The following COL4A1 variants were observed in gnomAD, a reference collection of about 807,000 sequenced individuals.
COL4A1 encodes the protein collagen type IV alpha 1 chain.
A neutral mutation model predicts 216.6 loss-of-function variants in COL4A1; 40 were observed. The ratio of observed to expected loss-of-function variants is 0.18; its 90% confidence interval spans 0.14 to 0.24. The LOEUF (loss-of-function observed/expected upper bound fraction) is 0.24. Ranked by LOEUF, COL4A1 falls within the 10% of genes least tolerant of loss-of-function variation. COL4A1 has a pLI of 1.00. For synonymous variants in COL4A1, 839 were observed against 810.7 expected (o/e 1.03, Z -0.59); for missense variants, 1,628 against 2,196.8 (o/e 0.74, Z 5.18).
intron 2 of COL4A1, among the ~76,000 whole-genome samples, chr13:110,227,413 CACACACACACACAA>C (rs1178064156): frequency 2.8e-4 from 41 of 146,328 alleles, no homozygotes; most frequent in Admixed American, 9.0e-4. Context: ...CACACACACA[CACACACACACACAA>C]ACACACACAA....
rs193007550 is a variant in COL4A1, at chr13:110,214,708, T to C, written c.145-693A>G. ...TTCAGGGACTTGTACCACTAGCCCC[T>C]TGGGCTCTCCAGCCGCTGGCCTTGG... On this transcript the variant is annotated intron_variant, in intron 2 of 51. Coordinates refer to ENST00000375820, the MANE Select transcript of COL4A1 (RefSeq NM_001845.6). Among the ~76,000 whole-genome samples the C allele has an allele frequency of 9.3e-3, 1,414 of 152,296 alleles. 21 individuals carry two copies. Among genetic ancestry groups the C allele is most frequent in the African/African-American group, 0.032 (1,351 of 41,570 alleles).
At chr13:110,200,166 C>G (rs753815795) in intron 20 of COL4A1, among the ~76,000 whole-genome samples, 1 of 152,244 alleles carries the variant, frequency 6.6e-6, no homozygotes, top group East Asian at 1.9e-4. Flanking sequence ...GGCACGTGAG[C>G]GTTTCCATCA....
chr13:110,287,415 A>G (rs1376077717), intron 1 of COL4A1, among the ~76,000 whole-genome samples: 2 of 152,202 alleles, frequency 1.3e-5, no homozygotes, highest in Middle Eastern at 3.2e-3. Context: ...AGTCCTATTA[A>G]TATCTTATCT....
At position 110,150,263 on chromosome 13, in the gene COL4A1, G is replaced by T; in HGVS notation, c.*100C>A. 1 of 1,136,394 alleles carries T rather than the reference G, an allele frequency of 8.8e-7. No individual in the cohort carries two copies. Among genetic ancestry groups the T allele is most frequent in the Non-Finnish European group, 1.3e-6 (1 of 774,848 alleles). 70.4% of individuals were successfully genotyped at this position (1,136,394 alleles called of 1,614,324 possible). ...TAAGGCACTTTACGGTTTTCATATT[G>T]GACAGTGAGGTACACAGGATATATT... On this transcript the variant is annotated 3_prime_UTR_variant, in exon 52 of 52. Coordinates refer to ENST00000375820, the MANE Select transcript of COL4A1 (RefSeq NM_001845.6).
intron 1 of COL4A1, among the ~76,000 whole-genome samples, chr13:110,306,105 C>T (rs1281994255): frequency 6.6e-6 from 1 of 152,084 alleles, no homozygotes; most frequent in Non-Finnish European, 1.5e-5. Context: ...AACAGTCAGT[C>T]CAGGCTTGTC....
intron 36 of COL4A1, 69 bp downstream of exon 36, chr13:110,176,355 T>C (rs777436404): frequency 1.5e-4 from 157 of 1,052,990 alleles, no homozygotes; most frequent in Admixed American, 8.1e-4. Flanking sequence ...GAGGATCTCA[T>C]TCTGCAGACA....
At chr13:110,300,003 C>T (rs981396317) in intron 1 of COL4A1, among the ~76,000 whole-genome samples, 2 of 152,128 alleles carry the variant, frequency 1.3e-5, no homozygotes, top group African/African-American at 4.8e-5. Flanking sequence ...TACTTGCACA[C>T]AAGGGAACTG....
At chr13:110,247,847 G>A (rs1881897927) in intron 1 of COL4A1, among the ~76,000 whole-genome samples, 1 of 148,492 alleles carries the variant, frequency 6.7e-6, no homozygotes, top group African/African-American at 2.5e-5. Context: ...CAGAGAGAGA[G>A]GGAGGGAGGG....
intron 26 of COL4A1, among the ~76,000 whole-genome samples, chr13:110,184,768 T>C (rs1253002281): frequency 2.0e-5 from 3 of 152,144 alleles, no homozygotes; most frequent in Non-Finnish European, 4.4e-5. Context: ...TGGAACGCAA[T>C]GGCACGATCT....
At chr13:110,252,099 C>G (rs1239074955) in intron 1 of COL4A1, among the ~76,000 whole-genome samples, 1 of 152,146 alleles carries the variant, frequency 6.6e-6, no homozygotes, top group Non-Finnish European at 1.5e-5. Context: ...TCTCAACTCA[C>G]TGCAACCTCC....
chr13:110,157,367 A>C (rs1351024694), intron 49 of COL4A1, among the ~76,000 whole-genome samples: 1 of 152,200 alleles, frequency 6.6e-6, no homozygotes, highest in Non-Finnish European at 1.5e-5. Flanking sequence ...TTCTGCTCAA[A>C]ACGAAGGCTT....
At chr13:110,188,606 A>T (rs963305120) in intron 24 of COL4A1, among the ~76,000 whole-genome samples, 3 of 152,224 alleles carry the variant, frequency 2.0e-5, no homozygotes, top group African/African-American at 7.2e-5. Flanking sequence ...ACATTTATGC[A>T]TTTCCAGCTG....
intron 2 of COL4A1, among the ~76,000 whole-genome samples, chr13:110,227,847 G>C (rs1017631977): frequency 6.6e-6 from 1 of 152,174 alleles, no homozygotes; most frequent in Non-Finnish European, 1.5e-5. Context: ...CCAGAATTTT[G>C]GGATAACAAA....
chr13:110,219,680 G>A (rs866264739), intron 2 of COL4A1, among the ~76,000 whole-genome samples: 7 of 61,648 alleles, frequency 1.1e-4, no homozygotes, highest in South Asian at 6.0e-4. Flanking sequence ...ATATATATGT[G>A]TATATATATG....
chr13:110,183,735 G>A (rs934446864), intron 26 of COL4A1, among the ~76,000 whole-genome samples: 6 of 152,190 alleles, frequency 3.9e-5, no homozygotes, highest in African/African-American at 1.2e-4. Flanking sequence ...CATGATCCGC[G>A]GGTGATTACG....
rs1357248231 is a variant in COL4A1 at position 110,213,916 on chromosome 13, C to T, written c.234+10G>A. On this transcript the variant is annotated intron_variant, in intron 3 of 51. Coordinates refer to ENST00000375820, the MANE Select transcript of COL4A1 (RefSeq NM_001845.6). ...CATCCACCCACCCCCAATCCCACAGCCGTGCTTACCTTTTGTCCTGGTGGT... is the reference window on the plus strand; with the variant it reads ...CATCCACCCACCCCCAATCCCACAGTCGTGCTTACCTTTTGTCCTGGTGGT... The T allele has an allele frequency of 4.3e-6, 7 of 1,613,890 alleles. No individual in the cohort carries two copies. The highest frequency in any genetic ancestry group is 5.1e-6 in the Non-Finnish European group (6 of 1,179,968).
At chr13:110,218,667 G>T (rs183018664) in intron 2 of COL4A1, among the ~76,000 whole-genome samples, 149 of 152,276 alleles carry the variant, frequency 9.8e-4, no homozygotes, top group Admixed American at 3.9e-4. Context: ...AGGTTACTGG[G>T]CAGGACAGGA....
At chr13:110,219,840 ATATG>A (rs1255111949) in intron 2 of COL4A1, among the ~76,000 whole-genome samples, 1 of 110,924 alleles carries the variant, frequency 9.0e-6, no homozygotes, top group Non-Finnish European at 1.8e-5. Context: ...ATGTATGTAT[ATATG>A]TGTATATATA....
chr13:110,182,885 C>T, intron 28 of COL4A1, 108 bp downstream of exon 28: 4 of 1,074,302 alleles, frequency 3.7e-6, no homozygotes, highest in East Asian at 2.6e-5. Context: ...TGAAAGCCTC[C>T]CTGAACAGCG....
Sources: allele counts gnomAD v4.1 joint callset (sites outside exome capture counted in the v4.1 genomes callset), GRCh38; gene constraint gnomAD v4.1.1; transcripts MANE v1.5; gene names NCBI Gene and HGNC (gene_info 2026-07-23, HGNC 2026-07-21).